PPP4R1: variants seen among roughly 807,000 people sequenced by gnomAD.
PPP4R1 encodes protein phosphatase 4 regulatory subunit 1, also known as serine/threonine-protein phosphatase 4 regulatory subunit 1.
In PPP4R1, 42 loss-of-function variants were observed where a neutral mutation model predicts 111.2. The ratio of observed to expected loss-of-function variants is 0.38; its 90% CI spans 0.29 to 0.49. The LOEUF is 0.49. Ranked by LOEUF, PPP4R1 falls within the 20% of genes least tolerant of loss-of-function variation. The pLI is 0.97. For missense variants in PPP4R1, 1,012 were observed against 1,161.6 expected (o/e 0.87, Z 1.87); for synonymous variants, 409 against 405.5 (o/e 1.01, Z -0.10).
At chr18:9,548,398 G>A (rs762126459) in intron 19 of PPP4R1, among the ~76,000 whole-genome samples, 10 of 132,832 alleles carry the variant, frequency 7.5e-5, no homozygotes, top group East Asian at 2.5e-4. Context: ...GGTGTTTTGG[G>A]CGGCAGGCGG....
At chr18:9,575,944 A>T (rs1272751071) in intron 10 of PPP4R1, among the ~76,000 whole-genome samples, 1 of 152,236 alleles carries the variant, frequency 6.6e-6, no homozygotes, top group Admixed American at 6.5e-5. Flanking sequence ...TCAAAAATGA[A>T]AAATAGATAA....
At chr18:9,595,997 C>G (rs1162846060) in intron 2 of PPP4R1, among the ~76,000 whole-genome samples, 4 of 152,074 alleles carry the variant, frequency 2.6e-5, no homozygotes, top group African/African-American at 9.7e-5. Context: ...AGCCGAGAAG[C>G]CAAACCTGAC....
chr18:9,602,709 A>T (rs2067409806), intron 2 of PPP4R1, among the ~76,000 whole-genome samples: 1 of 151,668 alleles, frequency 6.6e-6, no homozygotes, highest in Admixed American at 6.6e-5. Context: ...AAAATACAAA[A>T]ATTAGCTGGG....
At position 9,563,632 on chromosome 18, in the gene PPP4R1, C is replaced by T. The variant is rs906257418; in HGVS notation, c.1574-82G>A. The T allele has an allele frequency of 1.7e-5, 21 of 1,237,120 alleles. No homozygotes were observed. In the East Asian group the frequency reaches 2.6e-4, roughly 15 times the overall value. 76.6% of individuals were successfully genotyped at this position (1,237,120 alleles called of 1,614,324 possible). ...AAGGCTGTTCTCCATTTGCACTGTA[C>T]GTTATCAATGAAATATATACTTTTT... On this transcript the variant is annotated intron_variant, in intron 11 of 19. Transcript: ENST00000400556.
chr18:9,549,959 G>A (rs2066462638), intron 18 of PPP4R1, 93 bp downstream of exon 18: 1 of 1,532,056 alleles, frequency 6.5e-7, no homozygotes, highest in Non-Finnish European at 8.9e-7. Flanking sequence ...TTCCTTAAGA[G>A]TAAGGAAGAG....
chr18:9,588,139 C>G lies in PPP4R1; in HGVS notation c.535G>C (p.Glu179Gln). 1 of 1,614,200 alleles carries G rather than the reference C, an allele frequency of 6.2e-7. No homozygotes were observed. Among genetic ancestry groups the G allele is most frequent in the Non-Finnish European group, 8.5e-7 (1 of 1,180,030 alleles). Residue 179 changes from glutamate (E) to glutamine (Q), a missense_variant, in exon 6 of 20, where the codon GAG becomes CAG. Glu to Gln is a conservative substitution (Grantham distance 29). Around this residue, in one of 2 missense-constraint regions of PPP4R1, gnomAD observed 707 missense variants for 742.1 expected, o/e 0.95. Transcript: ENST00000400556. Reference protein sequence around the residue: ...VETKVCPVLIELTAPDSNDDV... With the variant: ...VETKVCPVLIQLTAPDSNDDV... Reference sequence around the variant, plus strand: ...TCATTGCTATCTGGGGCTGTCAGCTCTATGAGGACAGGGCACACTTTGGTC... The same window carrying G: ...TCATTGCTATCTGGGGCTGTCAGCTGTATGAGGACAGGGCACACTTTGGTC...
chr18:9,562,157 T>G, intron 12 of PPP4R1, 82 bp from the exon 13 acceptor site: 1 of 1,040,770 alleles, frequency 9.6e-7, no homozygotes, highest in Admixed American at 2.0e-5. Context: ...TACTTACCTT[T>G]CAAGACTGCC....
At chr18:9,615,562 A>G (rs2067678997), upstream of PPP4R1, among the ~76,000 whole-genome samples, 1 of 152,190 alleles carries the variant, frequency 6.6e-6, no homozygotes, top group South Asian at 2.1e-4. Context: ...GACTTAAGCG[A>G]TTAGCTCAAA....
At chr18:9,576,988 T>C (rs1334806718) in intron 10 of PPP4R1, 76 bp downstream of exon 10, 33 of 1,271,000 alleles carry the variant, frequency 2.6e-5, no homozygotes, top group Middle Eastern at 2.4e-4. Flanking sequence ...TGTTGCAGAA[T>C]AGTGGAAATA....
Position 9,550,139 on chromosome 18 carries a change from G to C in PPP4R1, c.2460C>G (p.Phe820Leu), listed in dbSNP as rs367918961. Residue 820 changes from phenylalanine to leucine, a missense_variant, in exon 18 of 20, where the codon TTC (phenylalanine) becomes TTG (leucine). Coordinates refer to ENST00000400556, the MANE Select transcript of PPP4R1 (RefSeq NM_001042388.3). ...CAAGCTCATTGATGAGGTCCACTCC[G>C]AACGTTGGTGGTGTTGCCGCGTGCA... ...KKLHAATPPT[F>L]GVDLINELVE... is the part of the protein sequence containing the mutation. The C allele has an allele frequency of 1.2e-6, 2 of 1,614,084 alleles. No individual in the cohort carries two copies. The highest frequency in any genetic ancestry group is 1.7e-6 in the Non-Finnish European group (2 of 1,180,050).
intron 15 of PPP4R1, among the ~76,000 whole-genome samples, chr18:9,554,359 C>T (rs925592592): frequency 6.6e-6 from 1 of 152,006 alleles, no homozygotes; most frequent in African/African-American, 2.4e-5. Context: ...GATCTCCTGA[C>T]CTCAGGTGAT....
chr18:9,579,985 G>C (rs879756739), intron 9 of PPP4R1, among the ~76,000 whole-genome samples: 1 of 152,122 alleles, frequency 6.6e-6, no homozygotes, highest in Non-Finnish European at 1.5e-5. Flanking sequence ...ACTAATGCAT[G>C]TTACCAATCC....
chr18:9,572,175 T>G (rs1353950172), intron 10 of PPP4R1, among the ~76,000 whole-genome samples: 1 of 152,134 alleles, frequency 6.6e-6, no homozygotes, highest in East Asian at 1.9e-4. Flanking sequence ...AGGTGGTGAT[T>G]ATCTATGAGA....
chr18:9,566,820 T>C (rs1235546525), intron 11 of PPP4R1, among the ~76,000 whole-genome samples: 1 of 152,190 alleles, frequency 6.6e-6, no homozygotes, highest in African/African-American at 2.4e-5. Context: ...ACAGCAAGGT[T>C]TGCCGAGTAC....
chr18:9,549,820 G>T, intron 18 of PPP4R1: 1 of 606,098 alleles, frequency 1.6e-6, no homozygotes. Context: ...ACATACAGCA[G>T]GCACGTGGGG....
chr18:9,607,986 GT>G (rs1172157522), intron 2 of PPP4R1, among the ~76,000 whole-genome samples: 2 of 151,940 alleles, frequency 1.3e-5, no homozygotes, highest in East Asian at 3.9e-4. Context: ...GTTTCACCAT[GT>G]TGGCCAGGCT....
intron 9 of PPP4R1, among the ~76,000 whole-genome samples, chr18:9,577,688 CT>C (rs1293997474): frequency 6.6e-6 from 1 of 152,028 alleles, no homozygotes; most frequent in African/African-American, 2.4e-5. Context: ...AAACAAACCC[CT>C]ATTTGCTCTT....
At chr18:9,615,706 A>G (rs2145402810), upstream of PPP4R1, among the ~76,000 whole-genome samples, 1 of 152,332 alleles carries the variant, frequency 6.6e-6, no homozygotes, top group Admixed American at 6.5e-5. Flanking sequence ...AAGCTGTGTC[A>G]TGGTGCCACT....
At position 9,559,551 on chromosome 18, in the gene PPP4R1, A is replaced by G; in HGVS notation, c.1896T>C (p.Ser632=). Residue 632 remains serine, a synonymous_variant, in exon 14 of 20, where the codon TCT becomes TCC. Coordinates refer to ENST00000400556, the MANE Select transcript of PPP4R1 (RefSeq NM_001042388.3). ...TTTCAGTGTCAACCGTCTGTGCACG[A>G]GAAGGGTCAGTCATAGATAAATACT... ...LDQYLSMTDP[S]RAQTVDTEIA... 6.2e-7 allele frequency: 1 copy of G among 1,613,510 alleles called. No homozygotes were observed. Among genetic ancestry groups the G allele is most frequent in the Non-Finnish European group, 8.5e-7 (1 of 1,179,596 alleles).
Sources: gnomAD v4.1 joint callset for allele counts (sites outside exome capture counted in the v4.1 genomes callset) on GRCh38, gnomAD v4.1.1 for gene constraint, gnomAD v4.1.1 regional missense constraint, MANE v1.5 for transcripts, NCBI Gene and HGNC (gene_info 2026-07-23, HGNC 2026-07-21) for gene names.